ZCCHC10: variants seen among roughly 807,000 people sequenced by gnomAD.
ZCCHC10 encodes zinc finger CCHC domain-containing protein 10.
In ZCCHC10, 16 loss-of-function variants were observed where a neutral mutation model predicts 19.5. The observed-to-expected ratio is 0.82, with a 90% CI of 0.56 to 1.25. The LOEUF is 1.25. Among genes scored for constraint, ZCCHC10 ranks in the 50% most tolerant of loss-of-function variants. The pLI, the probability that ZCCHC10 is intolerant of heterozygous loss-of-function variation, is 0.00. For missense variants in ZCCHC10, 197 were observed against 201.0 expected (o/e 0.98, Z 0.12); for synonymous variants, 67 against 72.5 (o/e 0.92, Z 0.38).
In ZCCHC10 at chr5:133,022,275, C is replaced by T. The variant is rs537001510; in HGVS notation, c.107+566G>A. On this transcript the variant is annotated intron_variant, in intron 2 of 4. Transcript: ENST00000509437. ...TTTTTGTAAAAAACTAAGACACACACACATTAGCCTAGGTCTACACAGGGT... is the reference window on the plus strand; with the variant it reads ...TTTTTGTAAAAAACTAAGACACACATACATTAGCCTAGGTCTACACAGGGT... Among the ~76,000 whole-genome samples the T allele has an allele frequency of 2.6e-5, 4 of 151,946 alleles. No homozygotes were observed. The East Asian group carries it at 5.8e-4, about 22-fold the overall frequency.
chr5:133,024,172 A>G (rs763246147), intron 1 of ZCCHC10, among the ~76,000 whole-genome samples: 3 of 152,258 alleles, frequency 2.0e-5, no homozygotes, highest in Non-Finnish European at 4.4e-5. Flanking sequence ...GAAACAAGAA[A>G]TAGCAGTATT....
At chr5:133,005,978 C>CTTTTT (rs760600232) in intron 3 of ZCCHC10, among the ~76,000 whole-genome samples, 1 of 97,780 alleles carries the variant, frequency 1.0e-5, no homozygotes, top group Non-Finnish European at 1.9e-5. Context: ...GAAGATGCTG[C>CTTTTT]TTTTTTTTTT....
In ZCCHC10 at chr5:132,997,546, T is replaced by C. The variant is rs1762505113; in HGVS notation, c.*1037A>G. 6.6e-6 allele frequency: 1 copy of C among 152,166 alleles called. No homozygotes were observed. Among genetic ancestry groups the C allele is most frequent in the Non-Finnish European group, 1.5e-5 (1 of 68,008 alleles). 9.4% of individuals were successfully genotyped at this position (152,166 alleles called of 1,614,324 possible). On this transcript the variant is annotated 3_prime_UTR_variant, in exon 5 of 5. Transcript: ENST00000509437. ...TTTCATGCTAGATTTCAACTATGTA[T>C]ATCCTATGTAAACACACCAGATTAA... is the stretch of plus-strand genomic sequence containing the variant.
At chr5:133,006,626 A>G in intron 3 of ZCCHC10, 133 bp downstream of exon 3, 3 of 845,586 alleles carry the variant, frequency 3.5e-6, no homozygotes, top group Non-Finnish European at 5.1e-6. Flanking sequence ...TACTTGGCAC[A>G]CAGTAAGCAT....
chr5:133,004,802 G>A (rs1281876700), intron 3 of ZCCHC10, among the ~76,000 whole-genome samples: 1 of 151,918 alleles, frequency 6.6e-6, no homozygotes, highest in Non-Finnish European at 1.5e-5. Flanking sequence ...ATTCTTAAGT[G>A]TTACATATTT....
chr5:133,021,991 C>T (rs943468460), intron 2 of ZCCHC10, among the ~76,000 whole-genome samples: 1 of 152,034 alleles, frequency 6.6e-6, no homozygotes, highest in African/African-American at 2.4e-5. Flanking sequence ...TATGGGGTTT[C>T]ACCATGTTGA....
intron 1 of ZCCHC10, among the ~76,000 whole-genome samples, chr5:133,023,266 C>G (rs1238359887): frequency 1.3e-5 from 2 of 151,780 alleles, no homozygotes. Flanking sequence ...AGAAATGACC[C>G]CAAATAATGC....
chr5:133,024,746 T>C (rs1341082017), intron 1 of ZCCHC10, among the ~76,000 whole-genome samples: 1 of 151,922 alleles, frequency 6.6e-6, no homozygotes. Flanking sequence ...TACTAAAAAA[T>C]ACAAAAATTA....
intron 3 of ZCCHC10, among the ~76,000 whole-genome samples, chr5:133,001,863 A>G (rs1050834419): frequency 3.3e-5 from 5 of 151,760 alleles, no homozygotes; most frequent in Non-Finnish European, 7.4e-5. Context: ...TTTTTACACA[A>G]TGGAATTACT....
chr5:133,015,371 G>A (rs1286804612), intron 2 of ZCCHC10, among the ~76,000 whole-genome samples: 2 of 152,146 alleles, frequency 1.3e-5, no homozygotes, highest in African/African-American at 4.8e-5. Flanking sequence ...AAGCCACCGC[G>A]TTTGGCCTGT....
chr5:133,016,191 G>A (rs1014886648), intron 2 of ZCCHC10, among the ~76,000 whole-genome samples: 14 of 152,050 alleles, frequency 9.2e-5, no homozygotes, highest in Non-Finnish European at 1.5e-4. Flanking sequence ...ATAATGTTTG[G>A]AGCCAACATG....
chr5:133,022,950 TTAAGTCCAGA>T (rs1194465388), intron 1 of ZCCHC10, 44 bp from the exon 2 acceptor site: 1 of 488,632 alleles, frequency 2.0e-6, no homozygotes, highest in Non-Finnish European at 3.6e-6. Context: ...AGTCTGACAC[TTAAGTCCAGA>T]AAATCAATAC....
At chr5:133,008,500 C>T (rs4262099) in intron 2 of ZCCHC10, among the ~76,000 whole-genome samples, 145,590 of 147,496 alleles carry the variant, frequency 0.99, 71,882 homozygotes, top group East Asian at 1. Flanking sequence ...ATTGCGCCAT[C>T]GTACTCCAGC....
intron 3 of ZCCHC10, among the ~76,000 whole-genome samples, chr5:133,004,940 T>C (rs1421668699): frequency 1.3e-5 from 2 of 152,202 alleles, no homozygotes; most frequent in African/African-American, 4.8e-5. Context: ...TCCATTAAAA[T>C]ATGCTTTTTA....
chr5:133,011,095 A>T (rs1763475419), intron 2 of ZCCHC10, among the ~76,000 whole-genome samples: 1 of 151,744 alleles, frequency 6.6e-6, no homozygotes, highest in African/African-American at 2.4e-5. Context: ...CCTGGCTAAA[A>T]GGAACTTTTT....
At chr5:133,001,948 G>A (rs1286168718) in intron 3 of ZCCHC10, among the ~76,000 whole-genome samples, 1 of 139,766 alleles carries the variant, frequency 7.2e-6, no homozygotes, top group Admixed American at 7.3e-5. Flanking sequence ...TCAAAATTCA[G>A]CAATCTTTTT....
At chr5:133,008,733 C>A (rs1331293393) in intron 2 of ZCCHC10, among the ~76,000 whole-genome samples, 1 of 151,778 alleles carries the variant, frequency 6.6e-6, no homozygotes, top group African/African-American at 2.4e-5. Context: ...TAGCCAGGGC[C>A]AGGCCTGGTG....
Position 133,005,029 on chromosome 5 carries a change from G to C in ZCCHC10, c.269+1730C>G, listed in dbSNP as rs142540939. ...AAGAATTTACTCTCAGCTGGGTGCG[G>C]TGGCTCACGCCTGTAATCCCAGCAC... is the stretch of plus-strand genomic sequence containing the variant. On this transcript the variant is annotated intron_variant, in intron 3 of 4. Transcript: ENST00000509437. Among the ~76,000 whole-genome samples the C allele has an allele frequency of 1.7e-3, 263 of 152,168 alleles. 1 individual carries two copies. The highest frequency in any genetic ancestry group is 5.3e-3 in the African/African-American group (222 of 41,536).
chr5:133,003,147 G>C (rs1762881057), intron 3 of ZCCHC10: 1 of 327,096 alleles, frequency 3.1e-6, no homozygotes, highest in Non-Finnish European at 6.0e-6. Context: ...GTCAGGCCAA[G>C]AAGCATGCGA....
Sources: allele counts gnomAD v4.1 joint callset (sites outside exome capture counted in the v4.1 genomes callset), GRCh38; gene constraint gnomAD v4.1.1; transcripts MANE v1.5; gene names NCBI Gene and HGNC (gene_info 2026-07-23, HGNC 2026-07-21).